Variants in MOSPD2 observed in about 807,000 individuals in gnomAD.
MOSPD2 encodes motile sperm domain containing 2.
MOSPD2 carries 5 observed loss-of-function variants against 41.7 expected under a neutral mutation model. The observed-to-expected ratio is 0.12, with a 90% CI of 0.06 to 0.25. The LOEUF (loss-of-function observed/expected upper bound fraction) is 0.25, where lower values mean the gene tolerates loss of function less well. Among genes scored for constraint, MOSPD2 ranks in the 10% least tolerant of loss-of-function variants. MOSPD2 has a pLI of 1.00. For synonymous variants in MOSPD2, 115 were observed against 126.9 expected (o/e 0.91, Z 0.63); for missense variants, 282 against 375.2 (o/e 0.75, Z 2.05).
intron 2 of MOSPD2, among the ~76,000 whole-genome samples, chrX:14,879,842 T>A (rs2092528143): frequency 1.8e-5 from 2 of 110,982 alleles, no homozygotes. Context: ...TAAAAAAAAA[T>A]TGCCCATCTG....
At chrX:14,894,645 G>A (rs1357401127) in intron 3 of MOSPD2, among the ~76,000 whole-genome samples, 2 of 110,442 alleles carry the variant, frequency 1.8e-5, no homozygotes, top group East Asian at 2.9e-4. Context: ...TTTGTAGAGA[G>A]GTTGTCTCAC....
At chrX:14,895,787 A>T (rs2092562107) in intron 4 of MOSPD2, among the ~76,000 whole-genome samples, 1 of 110,927 alleles carries the variant, frequency 9.0e-6, no homozygotes, top group South Asian at 3.9e-4. Context: ...ATCTCACTCT[A>T]GCTTTTTCTG....
At chrX:14,894,061 CTGTT>C (rs1248709919) in intron 3 of MOSPD2, among the ~76,000 whole-genome samples, 2 of 112,083 alleles carry the variant, frequency 1.8e-5, no homozygotes, top group Non-Finnish European at 3.8e-5. Flanking sequence ...GAGAGGCACT[CTGTT>C]TGTTCCTCCT....
chrX:14,874,831 G>A (rs2092516833), intron 2 of MOSPD2, among the ~76,000 whole-genome samples: 2 of 111,880 alleles, frequency 1.8e-5, no homozygotes, highest in Admixed American at 1.9e-4. Context: ...CCCAAACTTT[G>A]TTCCAGAGAG....
At chrX:14,908,168 A>T (rs1267166264) in intron 7 of MOSPD2, among the ~76,000 whole-genome samples, 1 of 112,029 alleles carries the variant, frequency 8.9e-6, no homozygotes, top group East Asian at 2.8e-4. Flanking sequence ...AAATGACATG[A>T]CAGAACAAGA....
At chrX:14,905,578 C>T (rs1018480420) in intron 7 of MOSPD2, among the ~76,000 whole-genome samples, 1 of 111,248 alleles carries the variant, frequency 9.0e-6, no homozygotes, top group Non-Finnish European at 1.9e-5. Flanking sequence ...ACTGCATCCT[C>T]TGCCTCCCAG....
Position 14,920,977 on chromosome X carries a change from C to T in MOSPD2, c.*1168C>T, listed in dbSNP as rs1054238330. ...GATCTGTGAAACCTTCAAACTAGGA[C>T]CAATTGACTTACTTGATATTCTGCC... On this transcript the variant is annotated 3_prime_UTR_variant, in exon 15 of 15. Transcript: ENST00000380492. 4 of 754,648 alleles carry T rather than the reference C, an allele frequency of 5.3e-6. No individual in the cohort carries two copies. The highest frequency in any genetic ancestry group is 4.7e-6 in the Non-Finnish European group (3 of 639,626). 62.2% of individuals were successfully genotyped at this position (754,648 alleles called of 1,213,427 possible). A position where few individuals can be genotyped will look rare whatever the true frequency, so the allele number is the denominator to read the frequency against.
chrX:14,911,965 ATTTT>A (rs1200562482), intron 9 of MOSPD2, among the ~76,000 whole-genome samples: 1 of 112,083 alleles, frequency 8.9e-6, no homozygotes, highest in Non-Finnish European at 1.9e-5. Flanking sequence ...TTTATCTAAA[ATTTT>A]TTTATTTGTC....
chrX:14,877,351 T>C (rs1323910547), intron 2 of MOSPD2, among the ~76,000 whole-genome samples: 1 of 110,926 alleles, frequency 9.0e-6, no homozygotes, highest in Non-Finnish European at 1.9e-5. Flanking sequence ...GTCTTTTTTC[T>C]TTTTTTTCGA....
chrX:14,908,935 T>C lies in MOSPD2; in HGVS notation c.653T>C (p.Val218Ala). 8.4e-7 allele frequency: 1 copy of C among 1,190,845 alleles called. No individual in the cohort carries two copies. The highest frequency in any genetic ancestry group is 3.0e-5 in the East Asian group (1 of 33,317). The change falls in exon 8 of 15, where the codon GTC (valine) becomes GCC (alanine). Residue 218 changes from valine to alanine, a missense_variant. Physicochemically the swap from Val to Ala is moderately conservative, Grantham distance 64 (BLOSUM62 0). Coordinates refer to ENST00000380492, the MANE Select transcript of MOSPD2 (RefSeq NM_152581.4). Reference sequence around the variant, plus strand: ...TTGAAGTTTACAAGCAAAAATGAAGTCCAGGACTATGTCAGTGTAGAATAC... The same window carrying C: ...TTGAAGTTTACAAGCAAAAATGAAGCCCAGGACTATGTCAGTGTAGAATAC... ...SLLKFTSKNE[V>A]QDYVSVEYLP...
chrX:14,897,502 C>T (rs868201336), intron 5 of MOSPD2, among the ~76,000 whole-genome samples: 11 of 111,665 alleles, frequency 9.9e-5, no homozygotes, highest in Non-Finnish European at 1.9e-4. Context: ...GGTAGCATGT[C>T]GAGGCTGGCA....
chrX:14,876,411 C>G (rs753895536), intron 2 of MOSPD2, among the ~76,000 whole-genome samples: 1 of 112,368 alleles, frequency 8.9e-6, no homozygotes, highest in East Asian at 2.8e-4. Flanking sequence ...CAAGCACAAA[C>G]TGTATTCCAG....
intron 2 of MOSPD2, among the ~76,000 whole-genome samples, chrX:14,889,314 C>A (rs1358938743): frequency 8.9e-6 from 1 of 111,762 alleles, no homozygotes; most frequent in Admixed American, 9.5e-5. Flanking sequence ...AATTTCCAAT[C>A]GCTTGAGGGC....
intron 1 of MOSPD2, 35 bp from the exon 2 acceptor site, chrX:14,873,654 G>A: frequency 8.3e-7 from 1 of 1,201,446 alleles, no homozygotes; most frequent in Non-Finnish European, 1.1e-6. Flanking sequence ...GTTGATGCAA[G>A]TAGTATCTAA....
intron 2 of MOSPD2, among the ~76,000 whole-genome samples, chrX:14,874,939 A>T (rs976549169): frequency 3.6e-5 from 4 of 112,207 alleles, no homozygotes; most frequent in Non-Finnish European, 7.5e-5. Context: ...CTTTCTACAG[A>T]AATGTAACTA....
intron 3 of MOSPD2, among the ~76,000 whole-genome samples, chrX:14,894,039 C>T (rs1003208071): frequency 1.8e-5 from 2 of 112,081 alleles, no homozygotes; most frequent in South Asian, 3.7e-4. Context: ...TCCTTAGCCT[C>T]CCCAAAAACT....
At chrX:14,899,079 A>G (rs1343790709) in intron 5 of MOSPD2, among the ~76,000 whole-genome samples, 2 of 90,344 alleles carry the variant, frequency 2.2e-5, no homozygotes, top group Non-Finnish European at 5.1e-5. Flanking sequence ...ATCCTTCACA[A>G]CCAGTGTCTT....
intron 9 of MOSPD2, among the ~76,000 whole-genome samples, chrX:14,911,777 C>G (rs1180737905): frequency 1.8e-5 from 2 of 111,632 alleles, no homozygotes; most frequent in Non-Finnish European, 3.8e-5. Flanking sequence ...ATCCCAGCTA[C>G]TCTGGAGGCT....
chrX:14,889,522 C>A (rs2092549661), intron 2 of MOSPD2, among the ~76,000 whole-genome samples: 1 of 106,862 alleles, frequency 9.4e-6, no homozygotes, highest in African/African-American at 3.4e-5. Context: ...TCTGTCTCTC[C>A]CCCTCTCTTC....
Sources: gnomAD v4.1 joint callset for allele counts (sites outside exome capture counted in the v4.1 genomes callset) on GRCh38, gnomAD v4.1.1 for gene constraint, MANE v1.5 for transcripts, NCBI Gene and HGNC (gene_info 2026-07-23, HGNC 2026-07-21) for gene names.